ADCY8: variants seen among roughly 807,000 people sequenced by gnomAD.
ADCY8 encodes the protein adenylate cyclase 8.
In ADCY8, 51 loss-of-function variants were observed where a neutral mutation model predicts 119.7. That is an observed-to-expected ratio of 0.43 (90% CI 0.34 to 0.54). The LOEUF (loss-of-function observed/expected upper bound fraction) is 0.54. Ranked by LOEUF, ADCY8 falls within the 20% of genes least tolerant of loss-of-function variation. The pLI is 0.03. For synonymous variants in ADCY8, 665 were observed against 651.0 expected (o/e 1.02, Z -0.33); for missense variants, 1,383 against 1,598.8 (o/e 0.87, Z 2.30).
intron 5 of ADCY8, among the ~76,000 whole-genome samples, chr8:130,917,183 A>T (rs1173094314): frequency 1.3e-5 from 2 of 152,168 alleles, no homozygotes; most frequent in South Asian, 2.1e-4. Context: ...TTACCTTAAT[A>T]ACCTCATTTC....
chr8:131,033,095 C>T (rs1243145848), intron 1 of ADCY8, among the ~76,000 whole-genome samples: 3 of 152,194 alleles, frequency 2.0e-5, no homozygotes, highest in Non-Finnish European at 4.4e-5. Context: ...TCTGAGTCTA[C>T]TGGTCTCCCA....
intron 15 of ADCY8, among the ~76,000 whole-genome samples, chr8:130,797,546 T>C (rs963453686): frequency 3.9e-5 from 6 of 152,350 alleles, no homozygotes; most frequent in Non-Finnish European, 5.9e-5. Context: ...GCCATGTCCA[T>C]CTCTTATGTG....
chr8:130,938,503 G>A (rs1232884783), intron 4 of ADCY8, among the ~76,000 whole-genome samples: 11 of 152,060 alleles, frequency 7.2e-5, no homozygotes, highest in Admixed American at 7.2e-4. Context: ...CTATGGCTGT[G>A]TGGGAAAAGG....
At chr8:130,868,359 C>T (rs765145594) in intron 8 of ADCY8, among the ~76,000 whole-genome samples, 5 of 125,632 alleles carry the variant, frequency 4.0e-5, no homozygotes, top group Non-Finnish European at 7.3e-5. Context: ...CTTTCTGCCT[C>T]CTTTTTTTTA....
intron 2 of ADCY8, among the ~76,000 whole-genome samples, chr8:130,972,979 G>C (rs919743223): frequency 6.6e-6 from 1 of 152,038 alleles, no homozygotes; most frequent in East Asian, 1.9e-4. Context: ...ACATAAGTGG[G>C]AGCTAAATCC....
chr8:130,869,879 G>A (rs1034512319), intron 8 of ADCY8, among the ~76,000 whole-genome samples: 1 of 151,996 alleles, frequency 6.6e-6, no homozygotes, highest in Non-Finnish European at 1.5e-5. Context: ...TTTAAAAACA[G>A]CAGTAATAAT....
chr8:130,815,555 C>T, intron 13 of ADCY8, among the ~76,000 whole-genome samples: 1 of 152,100 alleles, frequency 6.6e-6, no homozygotes, highest in East Asian at 1.9e-4. Flanking sequence ...TCAAAGCAAA[C>T]ATGAATTAAT....
intron 1 of ADCY8, among the ~76,000 whole-genome samples, chr8:130,991,894 A>G (rs960450605): frequency 5.9e-5 from 9 of 152,156 alleles, no homozygotes; most frequent in African/African-American, 2.2e-4. Flanking sequence ...AAATAAGAAA[A>G]GAAATAGAAA....
intron 1 of ADCY8, among the ~76,000 whole-genome samples, chr8:131,028,524 T>A (rs1823892362): frequency 6.8e-6 from 1 of 147,552 alleles, no homozygotes; most frequent in Non-Finnish European, 1.5e-5. Flanking sequence ...CTCTTAGTGA[T>A]TTTTTTTCTT....
intron 1 of ADCY8, among the ~76,000 whole-genome samples, chr8:131,038,423 C>T (rs545435816): frequency 8.5e-5 from 13 of 152,320 alleles, no homozygotes; most frequent in African/African-American, 3.1e-4. Flanking sequence ...AGTCACTCTC[C>T]TGTTACCTAC....
intron 11 of ADCY8, among the ~76,000 whole-genome samples, chr8:130,846,768 TTCCTTCCTTC>T (rs1817321680): frequency 9.7e-6 from 1 of 103,612 alleles, no homozygotes; most frequent in African/African-American, 4.4e-5. Context: ...TTCCTTCCCC[TTCCTTCCTTC>T]TCCTTCCTTC....
intron 2 of ADCY8, among the ~76,000 whole-genome samples, chr8:130,959,855 A>T (rs1414639712): frequency 6.6e-6 from 1 of 152,080 alleles, no homozygotes; most frequent in African/African-American, 2.4e-5. Context: ...AGTGGAGTAG[A>T]GTGGCGTGAG....
chr8:130,877,926 A>C (rs181087770), intron 8 of ADCY8, among the ~76,000 whole-genome samples: 99 of 152,274 alleles, frequency 6.5e-4, no homozygotes, highest in African/African-American at 2.3e-3. Context: ...TACAAGACGC[A>C]TTAAGATTGG....
chr8:130,782,259 T>C (rs1815105682), intron 17 of ADCY8, among the ~76,000 whole-genome samples: 1 of 152,156 alleles, frequency 6.6e-6, no homozygotes, highest in Admixed American at 6.5e-5. Context: ...TACATGGGAA[T>C]CACAATGATA....
chr8:130,981,142 G>A (rs569969936), intron 2 of ADCY8, among the ~76,000 whole-genome samples: 1 of 152,284 alleles, frequency 6.6e-6, no homozygotes, highest in Non-Finnish European at 1.5e-5. Context: ...CAAATGAGGT[G>A]TGGGCAAGAC....
chr8:130,831,923 C>A (rs1816846634), intron 12 of ADCY8, among the ~76,000 whole-genome samples: 2 of 152,136 alleles, frequency 1.3e-5, no homozygotes, highest in South Asian at 2.1e-4. Context: ...ATATGCCAGA[C>A]CTGTGCTAAG....
At chr8:130,931,144 G>A (rs1820619423) in intron 5 of ADCY8, among the ~76,000 whole-genome samples, 1 of 152,124 alleles carries the variant, frequency 6.6e-6, no homozygotes, top group South Asian at 2.1e-4. Flanking sequence ...AATTCCCTCA[G>A]CTTTTGTTTG....
At chr8:130,915,683 A>C (rs534719257) in intron 5 of ADCY8, among the ~76,000 whole-genome samples, 1 of 152,294 alleles carries the variant, frequency 6.6e-6, no homozygotes, top group South Asian at 2.1e-4. Flanking sequence ...AATAGTACCT[A>C]GTACTAACTT....
At chr8:130,981,073 T>C (rs758198995) in intron 2 of ADCY8, among the ~76,000 whole-genome samples, 89 of 152,202 alleles carry the variant, frequency 5.8e-4, no homozygotes, top group Non-Finnish European at 9.6e-4. Flanking sequence ...TTCGTTTCTA[T>C]GAAAAATGAG....
Sources: allele counts gnomAD v4.1 joint callset (sites outside exome capture counted in the v4.1 genomes callset), GRCh38; gene constraint gnomAD v4.1.1; transcripts MANE v1.5; gene names NCBI Gene and HGNC (gene_info 2026-07-23, HGNC 2026-07-21).